AGBL1: variants seen among roughly 807,000 people sequenced by gnomAD.
AGBL1 encodes cytosolic carboxypeptidase 4.
AGBL1 carries 130 observed loss-of-function variants against 118.9 expected under a neutral mutation model. The observed-to-expected ratio is 1.09, with a 90% CI of 0.95 to 1.26. AGBL1 has a LOEUF of 1.26. Ranked by LOEUF, AGBL1 falls within the 50% of genes most tolerant of loss-of-function variation. The pLI is 0.00. For missense variants in AGBL1, 1,584 were observed against 1,298.1 expected (o/e 1.22, Z -3.38); for synonymous variants, 555 against 478.9 (o/e 1.16, Z -2.08).
At chr15:86,730,994 A>AT (rs907712124) in intron 22 of AGBL1, among the ~76,000 whole-genome samples, 7 of 151,660 alleles carry the variant, frequency 4.6e-5, no homozygotes, top group South Asian at 4.2e-4. Flanking sequence ...TGCCAAGCTA[A>AT]TTTTTTTTAT....
At chr15:86,721,363 A>G (rs867630250) in intron 22 of AGBL1, among the ~76,000 whole-genome samples, 81 of 152,306 alleles carry the variant, frequency 5.3e-4, no homozygotes, top group African/African-American at 1.7e-3. Context: ...ATCAATAAAC[A>G]TAATCCAGCA....
At chr15:86,277,602 A>G (rs1037412712) in intron 15 of AGBL1, among the ~76,000 whole-genome samples, 2 of 152,064 alleles carry the variant, frequency 1.3e-5, no homozygotes, top group African/African-American at 4.8e-5. Context: ...GGTGAGGTTG[A>G]GTTTGCATAG....
chr15:86,646,733 C>T (rs1490334510), intron 21 of AGBL1, among the ~76,000 whole-genome samples: 2 of 152,164 alleles, frequency 1.3e-5, no homozygotes, highest in African/African-American at 4.8e-5. Flanking sequence ...TGCCATTAGT[C>T]AGTCCTATGA....
intron 22 of AGBL1, among the ~76,000 whole-genome samples, chr15:86,794,236 G>A (rs907301582): frequency 2.0e-5 from 3 of 152,192 alleles, no homozygotes; most frequent in Non-Finnish European, 2.9e-5. Flanking sequence ...ATAAAAAGTG[G>A]TGTGTCTATA....
intron 22 of AGBL1, among the ~76,000 whole-genome samples, chr15:86,760,142 T>C (rs1207893606): frequency 6.6e-6 from 1 of 152,110 alleles, no homozygotes; most frequent in African/African-American, 2.4e-5. Context: ...GTCTTTTTAG[T>C]ATTAAGAGAA....
At chr15:86,919,356 T>C (rs960482469), downstream of AGBL1, among the ~76,000 whole-genome samples, 2 of 152,206 alleles carry the variant, frequency 1.3e-5, no homozygotes, top group African/African-American at 2.4e-5. Context: ...AAGACAGCCT[T>C]ACCTGAGCCA....
intron 18 of AGBL1, among the ~76,000 whole-genome samples, chr15:86,460,210 G>T (rs1288680561): frequency 6.7e-6 from 1 of 148,798 alleles, no homozygotes; most frequent in Non-Finnish European, 1.5e-5. Context: ...TTGGATGATA[G>T]GCATCTCACA....
Position 86,397,559 on chromosome 15 carries a change from C to A in AGBL1, c.2555+13C>A. 6.3e-7 allele frequency: 1 copy of A among 1,591,222 alleles called. No homozygotes were observed. Among genetic ancestry groups the A allele is most frequent in the Non-Finnish European group, 8.6e-7 (1 of 1,167,204 alleles). Reference sequence around the variant, plus strand: ...TCATCAACGGCAAGTATGTCAGGCACCTGGCTCAGCCAAACCCACAATTAT... The same window carrying A: ...TCATCAACGGCAAGTATGTCAGGCAACTGGCTCAGCCAAACCCACAATTAT... On this transcript the variant is annotated intron_variant, in intron 18 of 22. Coordinates refer to ENST00000614907, the MANE Select transcript of AGBL1 (RefSeq NM_001386094.1).
Position 86,913,113 on chromosome 15 carries a change from C to T in AGBL1, c.*5819C>T, listed in dbSNP as rs532615046. 1 of 152,108 alleles carries T rather than the reference C, an allele frequency of 6.6e-6. No homozygotes were observed. Among genetic ancestry groups the T allele is most frequent in the South Asian group, 2.1e-4 (1 of 4,822 alleles). The allele number at this position is 152,108 out of a possible 1,614,324, so 9.4% of individuals were successfully genotyped here. A position where few individuals can be genotyped will look rare whatever the true frequency, so the allele number is the denominator to read the frequency against. On this transcript the variant is annotated 3_prime_UTR_variant, in exon 23 of 23. Coordinates refer to ENST00000614907, the MANE Select transcript of AGBL1 (RefSeq NM_001386094.1). ...GCCTAATAATAAAAAGATACAATTG[C>T]ATATAACTTAAAATCATCTATTACA... is the stretch of plus-strand genomic sequence containing the variant.
intron 23 of AGBL1, among the ~76,000 whole-genome samples, chr15:86,970,753 G>T (rs778568002): frequency 5.3e-5 from 8 of 151,910 alleles, no homozygotes; most frequent in Non-Finnish European, 7.4e-5. Context: ...ATATTGGATG[G>T]AAGTTAGCTG....
intron 18 of AGBL1, among the ~76,000 whole-genome samples, chr15:86,518,089 G>A (rs1175927250): frequency 6.6e-6 from 1 of 152,122 alleles, no homozygotes. Context: ...AGTCTGATGG[G>A]CTCTATCCCT....
chr15:86,655,399 T>C (rs2085446610), intron 21 of AGBL1, among the ~76,000 whole-genome samples: 1 of 152,164 alleles, frequency 6.6e-6, no homozygotes, highest in Admixed American at 6.6e-5. Flanking sequence ...CTAGTAAATA[T>C]TTGGTAGAAA....
At chr15:86,207,070 C>G (rs1375624016) in intron 5 of AGBL1, among the ~76,000 whole-genome samples, 2 of 152,150 alleles carry the variant, frequency 1.3e-5, no homozygotes, top group Admixed American at 6.5e-5. Context: ...AATAGGGAAT[C>G]CTTTCCCCGT....
At chr15:86,557,302 G>A (rs1367361516) in intron 21 of AGBL1, among the ~76,000 whole-genome samples, 1 of 152,224 alleles carries the variant, frequency 6.6e-6, no homozygotes, top group African/African-American at 2.4e-5. Context: ...CATGTGGACA[G>A]CTGTGGGCTT....
At chr15:86,407,271 A>G (rs747430681) in intron 18 of AGBL1, among the ~76,000 whole-genome samples, 5 of 152,188 alleles carry the variant, frequency 3.3e-5, no homozygotes, top group African/African-American at 4.8e-5. Context: ...TGAGTGACAT[A>G]CTCAAGGTCA....
At chr15:86,177,903 A>G (rs983806669) in intron 5 of AGBL1, among the ~76,000 whole-genome samples, 3 of 152,202 alleles carry the variant, frequency 2.0e-5, no homozygotes, top group Non-Finnish European at 2.9e-5. Context: ...TGAAATATAA[A>G]GTAAGTAAAA....
chr15:86,222,114 C>A (rs1002234070), intron 5 of AGBL1, among the ~76,000 whole-genome samples: 4 of 152,100 alleles, frequency 2.6e-5, no homozygotes, highest in Non-Finnish European at 5.9e-5. Flanking sequence ...CCTGGGGCAG[C>A]CCTCTATTCT....
intron 22 of AGBL1, among the ~76,000 whole-genome samples, chr15:86,712,414 C>T (rs2086574848): frequency 6.6e-6 from 1 of 151,180 alleles, no homozygotes; most frequent in Non-Finnish European, 1.5e-5. Context: ...TGTTAAGAAA[C>T]CCAGCTAGAA....
chr15:86,471,498 G>GTTT (rs375141045), intron 18 of AGBL1, among the ~76,000 whole-genome samples: 3 of 142,462 alleles, frequency 2.1e-5, no homozygotes, highest in East Asian at 2.1e-4. Flanking sequence ...TTGGCCTATA[G>GTTT]TTTTTTTTTT....
Sources: gnomAD v4.1 joint callset for allele counts (sites outside exome capture counted in the v4.1 genomes callset) on GRCh38, gnomAD v4.1.1 for gene constraint, MANE v1.5 for transcripts, NCBI Gene and HGNC (gene_info 2026-07-23, HGNC 2026-07-21) for gene names.